Variants in TMEM87A observed in about 807,000 individuals in gnomAD.
TMEM87A encodes the protein Golgi-pH regulating cation channel.
In TMEM87A, 50 loss-of-function variants were observed where a neutral mutation model predicts 90.0. The ratio of observed to expected loss-of-function variants is 0.56; its 90% CI spans 0.44 to 0.70. The LOEUF (loss-of-function observed/expected upper bound fraction) is 0.70, where lower values mean the gene tolerates loss of function less well. Ranked by LOEUF, TMEM87A falls within the 30% of genes least tolerant of loss-of-function variation. TMEM87A has a pLI of 0.00. For missense variants in TMEM87A, 577 were observed against 660.5 expected (o/e 0.87, Z 1.39); for synonymous variants, 226 against 226.7 (o/e 1.00, Z 0.03).
intron 13 of TMEM87A, 146 bp from the exon 14 acceptor site, chr15:42,227,915 T>A (rs1010000034): frequency 2.9e-6 from 2 of 693,524 alleles, no homozygotes; most frequent in African/African-American, 3.5e-5. Flanking sequence ...ACAAATGTAT[T>A]CAATACAAAA....
In TMEM87A at chr15:42,231,373, T is replaced by C. The variant is rs1054095085; in HGVS notation, c.1063-113A>G. ...TCACTGGAAAGTTTTTGCATTGAAC[T>C]GAAAGAAAATAAAAAGAACATTTGA... On this transcript the variant is annotated intron_variant, in intron 11 of 19. Transcript: ENST00000389834. The C allele has an allele frequency of 4.0e-6, 3 of 741,304 alleles. No individual in the cohort carries two copies. In the African/African-American group the frequency reaches 5.6e-5, roughly 14 times the overall value. 45.9% of individuals were successfully genotyped at this position (741,304 alleles called of 1,614,324 possible). A position where few individuals can be genotyped will look rare whatever the true frequency, so the allele number is the denominator to read the frequency against.
At chr15:42,268,099 A>C in intron 2 of TMEM87A, 67 bp from the exon 3 acceptor site, 1 of 1,375,580 alleles carries the variant, frequency 7.3e-7, no homozygotes, top group Non-Finnish European at 1.0e-6. Flanking sequence ...CTAAGCTGTT[A>C]ACCTATATCC....
rs964917607 is a variant in TMEM87A at position 42,227,743 on chromosome 15, T to C, written c.1267A>G (p.Thr423Ala). Residue 423 changes from threonine to alanine, a missense_variant, in exon 14 of 20, where the codon ACC (threonine) becomes GCC (alanine). By Grantham distance (58) the Thr-to-Ala change is moderately conservative. Coordinates refer to ENST00000389834, the MANE Select transcript of TMEM87A (RefSeq NM_015497.5). ...AASIVFIIWTTMKFRIVTCQS... is the reference protein window; with the variant it reads ...AASIVFIIWTAMKFRIVTCQS... The stretch of plus-strand genomic sequence containing the variant: ...CATGTCACTATTCTGAACTTCATGG[T>C]TGTCCAGATGATAAACACAATGGAT... 3.7e-6 allele frequency: 6 copies of C among 1,614,002 alleles called. No individual in the cohort carries two copies. Among genetic ancestry groups the C allele is most frequent in the Non-Finnish European group, 5.1e-6 (6 of 1,179,950 alleles).
rs532725559 is a variant in TMEM87A at position 42,245,610 on chromosome 15, C to T, written c.505-1443G>A. On this transcript the variant is annotated intron_variant, in intron 6 of 19. Coordinates refer to ENST00000389834, the MANE Select transcript of TMEM87A (RefSeq NM_015497.5). ...TGCAATCTTGGCTCACTGTGACGTCCGCCTCCCGGGTTCAAGCAATTCTCC... is the reference window on the plus strand; with the variant it reads ...TGCAATCTTGGCTCACTGTGACGTCTGCCTCCCGGGTTCAAGCAATTCTCC... Among the ~76,000 whole-genome samples, 9 of 150,854 alleles carry T rather than the reference C, an allele frequency of 6.0e-5. No individual in the cohort carries two copies. In the South Asian group the frequency reaches 6.3e-4, roughly 11 times the overall value.
chr15:42,211,647 G>T lies in TMEM87A; in HGVS notation c.*61C>A. On this transcript the variant is annotated 3_prime_UTR_variant, in exon 20 of 20. Transcript: ENST00000389834. Reference sequence around the variant, plus strand: ...ATCCCATGGAGCCGTACAGAAGACTGACACAGATGCTGATCTCTTCCCTGA... The same window carrying T: ...ATCCCATGGAGCCGTACAGAAGACTTACACAGATGCTGATCTCTTCCCTGA... 1 of 1,512,458 alleles carries T rather than the reference G, an allele frequency of 6.6e-7. No individual in the cohort carries two copies. 93.7% of individuals were successfully genotyped at this position (1,512,458 alleles called of 1,614,324 possible). A position where few individuals can be genotyped will look rare whatever the true frequency, so the allele number is the denominator to read the frequency against.
At chr15:42,252,101 A>G (rs966505766) in intron 6 of TMEM87A, among the ~76,000 whole-genome samples, 7 of 152,196 alleles carry the variant, frequency 4.6e-5, no homozygotes, top group African/African-American at 1.4e-4. Flanking sequence ...AGACTGTTGG[A>G]AAAATGCAGT....
intron 18 of TMEM87A, 177 bp from the exon 19 acceptor site, chr15:42,218,010 G>T: frequency 1.5e-6 from 1 of 666,678 alleles, no homozygotes; most frequent in Non-Finnish European, 2.5e-6. Flanking sequence ...TACAGAAATT[G>T]TATAGAAAAA....
intron 4 of TMEM87A, among the ~76,000 whole-genome samples, chr15:42,262,668 C>T (rs1418823130): frequency 2.0e-5 from 3 of 152,090 alleles, no homozygotes; most frequent in East Asian, 3.9e-4. Context: ...CCGCCCACCT[C>T]GGCCTCCCAA....
At chr15:42,254,418 C>T (rs899648564) in intron 6 of TMEM87A, among the ~76,000 whole-genome samples, 4 of 152,194 alleles carry the variant, frequency 2.6e-5, no homozygotes, top group African/African-American at 9.7e-5. Context: ...ATGTTTACAA[C>T]AGTTTTATCT....
At position 42,211,464 on chromosome 15, in the gene TMEM87A, G is replaced by A; in HGVS notation, c.*244C>T. The A allele has an allele frequency of 2.4e-6, 1 of 413,644 alleles. No individual in the cohort carries two copies. The highest frequency in any genetic ancestry group is 3.7e-5 in the East Asian group (1 of 26,932). 25.6% of individuals were successfully genotyped at this position (413,644 alleles called of 1,614,324 possible). A position where few individuals can be genotyped will look rare whatever the true frequency, so the allele number is the denominator to read the frequency against. ...GCATGAACATCCATGTCAGAGTCTG[G>A]GAGGAAAGGGGGCAGCAGTGTTGTA... On this transcript the variant is annotated 3_prime_UTR_variant, in exon 20 of 20. Coordinates refer to ENST00000389834, the MANE Select transcript of TMEM87A (RefSeq NM_015497.5).
rs77160796 is a variant in TMEM87A, at chr15:42,244,039, A to C, written c.622+11T>G. 6.6e-7 allele frequency: 1 copy of C among 1,515,838 alleles called. No homozygotes were observed. The highest frequency in any genetic ancestry group is 2.3e-5 in the East Asian group (1 of 42,806). 93.9% of individuals were successfully genotyped at this position (1,515,838 alleles called of 1,614,324 possible). A position where few individuals can be genotyped will look rare whatever the true frequency, so the allele number is the denominator to read the frequency against. On this transcript the variant is annotated intron_variant, in intron 7 of 19. Coordinates refer to ENST00000389834, the MANE Select transcript of TMEM87A (RefSeq NM_015497.5). ...TAATAACATAACCATTAAAAAAAAA[A>C]CTGAACTTACTGGTAAAAAGATTAC...
At chr15:42,239,093 G>T (rs1307411377) in intron 8 of TMEM87A, among the ~76,000 whole-genome samples, 1 of 152,144 alleles carries the variant, frequency 6.6e-6, no homozygotes, top group Non-Finnish European at 1.5e-5. Flanking sequence ...GCCCAGGCTG[G>T]AGTGCAGTGG....
chr15:42,217,743 T>C, intron 19 of TMEM87A, 60 bp downstream of exon 19: 1 of 1,542,178 alleles, frequency 6.5e-7, no homozygotes. Context: ...GAACAGACGA[T>C]TCATGACTTT....
At chr15:42,218,088 A>G (rs1021489304) in intron 18 of TMEM87A, 1 of 618,450 alleles carries the variant, frequency 1.6e-6, no homozygotes, top group African/African-American at 1.8e-5. Flanking sequence ...GGAACTAAAA[A>G]TTTCAAAAGG....
intron 6 of TMEM87A, among the ~76,000 whole-genome samples, chr15:42,260,154 C>G (rs1039950233): frequency 6.6e-6 from 1 of 152,204 alleles, no homozygotes; most frequent in African/African-American, 2.4e-5. Context: ...GAGACTATTA[C>G]TTGAGCCTAG....
At chr15:42,237,381 A>C in intron 9 of TMEM87A, 51 bp downstream of exon 9, 1 of 1,574,464 alleles carries the variant, frequency 6.4e-7, no homozygotes, top group Non-Finnish European at 8.7e-7. Context: ...ATATTTTCAT[A>C]CATCTCACCT....
At chr15:42,234,471 G>C (rs1427934214) in intron 10 of TMEM87A, among the ~76,000 whole-genome samples, 3 of 152,234 alleles carry the variant, frequency 2.0e-5, no homozygotes, top group Non-Finnish European at 4.4e-5. Flanking sequence ...TGGAAACCTA[G>C]AATACTTCCT....
Position 42,226,800 on chromosome 15 carries a change from A to G in TMEM87A, c.1403+6T>C, listed in dbSNP as rs1401028889. ...GTTAGCAGAGTAAACAGAAGAGTCC[A>G]AGAACCTCTGGTTGTTTGCAGATGG... On this transcript the variant is annotated splice_donor_region_variant and intron_variant, in intron 15 of 19. Coordinates refer to ENST00000389834, the MANE Select transcript of TMEM87A (RefSeq NM_015497.5). 38 of 1,613,394 alleles carry G rather than the reference A, an allele frequency of 2.4e-5. 1 individual carries two copies. The highest frequency in any genetic ancestry group is 8.3e-5 in the Admixed American group (5 of 60,004).
At chr15:42,227,689 C>G (rs1346616536) in intron 14 of TMEM87A, 22 bp downstream of exon 14, 1 of 1,604,198 alleles carries the variant, frequency 6.2e-7, no homozygotes, top group Non-Finnish European at 8.5e-7. Flanking sequence ...GTACATTATT[C>G]ATAAATGTGC....
Sources: allele counts gnomAD v4.1 joint callset (sites outside exome capture counted in the v4.1 genomes callset), GRCh38; gene constraint gnomAD v4.1.1; transcripts MANE v1.5; gene names NCBI Gene and HGNC (gene_info 2026-07-23, HGNC 2026-07-21).